The following DESI2 variants were observed in gnomAD, a reference collection of about 807,000 sequenced individuals.
The protein encoded by DESI2 is deubiquitinase DESI2.
Under a neutral mutation model 24.1 loss-of-function variants are expected in DESI2, and 10 were observed. That is an observed-to-expected ratio of 0.41 (90% CI 0.26 to 0.70). The LOEUF (loss-of-function observed/expected upper bound fraction) is 0.70, where lower values mean the gene tolerates loss of function less well. Ranked by LOEUF, DESI2 falls within the 30% of genes least tolerant of loss-of-function variation. DESI2 has a pLI of 0.29. For missense variants in DESI2, 122 were observed against 234.9 expected (o/e 0.52, Z 3.14); for synonymous variants, 71 against 87.7 (o/e 0.81, Z 1.06).
At chr1:244,698,248 C>T (rs937989450) in intron 4 of DESI2, among the ~76,000 whole-genome samples, 8 of 152,266 alleles carry the variant, frequency 5.3e-5, no homozygotes, top group East Asian at 1.9e-4. Flanking sequence ...GTAGGATAGA[C>T]GGAAATTTAA....
intron 1 of DESI2, among the ~76,000 whole-genome samples, chr1:244,686,092 T>C (rs998407745): frequency 1.3e-5 from 2 of 152,228 alleles, no homozygotes; most frequent in African/African-American, 2.4e-5. Flanking sequence ...TTTATTCTTA[T>C]ATTATTACCA....
At chr1:244,684,342 G>A (rs971789551) in intron 1 of DESI2, among the ~76,000 whole-genome samples, 2 of 152,060 alleles carry the variant, frequency 1.3e-5, no homozygotes, top group Admixed American at 6.6e-5. Context: ...TTGCATTTTA[G>A]TCCTCCACTC....
At chr1:244,656,400 A>G (rs999345541) in intron 1 of DESI2, 6 of 152,192 alleles carry the variant, frequency 3.9e-5, no homozygotes, top group African/African-American at 1.4e-4. Context: ...ATGGAAGAAG[A>G]GTGTGATCCT....
intron 4 of DESI2, among the ~76,000 whole-genome samples, chr1:244,704,711 T>C (rs1472682055): frequency 6.6e-6 from 1 of 152,108 alleles, no homozygotes; most frequent in East Asian, 1.9e-4. Flanking sequence ...TAGGCTGGAG[T>C]GCAGTGGCGT....
chr1:244,680,617 T>C (rs781484114), intron 1 of DESI2, among the ~76,000 whole-genome samples: 2 of 152,232 alleles, frequency 1.3e-5, no homozygotes, highest in Non-Finnish European at 2.9e-5. Context: ...TTAATGATGC[T>C]CAGTTCAATC....
chr1:244,659,956 G>A lies in DESI2; in HGVS notation c.42+6601G>A, dbSNP rs141004972. On this transcript the variant is annotated intron_variant, in intron 1 of 4. Transcript: ENST00000302550. ...AGTATTTGAAAAATACAACTCAGATGCCAGTAGGGTCCAAGCGTATTGGTG... is the reference window on the plus strand; with the variant it reads ...AGTATTTGAAAAATACAACTCAGATACCAGTAGGGTCCAAGCGTATTGGTG... 1.7e-3 allele frequency among the ~76,000 whole-genome samples: 265 copies of A among 152,246 alleles called. 2 individuals carry two copies. The highest frequency in any genetic ancestry group is 6.2e-3 in the African/African-American group (259 of 41,540).
At chr1:244,659,181 TC>T (rs1675751148) in intron 1 of DESI2, among the ~76,000 whole-genome samples, 1 of 150,630 alleles carries the variant, frequency 6.6e-6, no homozygotes, top group African/African-American at 2.4e-5. Context: ...TGTCCTCTTT[TC>T]TTTTTTAGGG....
At chr1:244,668,546 A>T (rs183220249) in intron 1 of DESI2, among the ~76,000 whole-genome samples, 133 of 152,326 alleles carry the variant, frequency 8.7e-4, no homozygotes, top group Middle Eastern at 3.4e-3. Flanking sequence ...GTTTTTGAGG[A>T]GAAATGGTTA....
chr1:244,677,956 A>C (rs868242720), intron 1 of DESI2, among the ~76,000 whole-genome samples: 15 of 152,208 alleles, frequency 9.9e-5, no homozygotes, highest in Middle Eastern at 6.8e-3. Context: ...TGATGTTAGG[A>C]GTGAGGGGTG....
chr1:244,655,948 G>A (rs1675631635), intron 1 of DESI2, among the ~76,000 whole-genome samples: 1 of 152,230 alleles, frequency 6.6e-6, no homozygotes, highest in Non-Finnish European at 1.5e-5. Context: ...TTTTCATGGA[G>A]GGGAACAGTG....
intron 1 of DESI2, among the ~76,000 whole-genome samples, chr1:244,676,324 G>A (rs913711793): frequency 6.6e-5 from 10 of 151,950 alleles, no homozygotes; most frequent in African/African-American, 1.2e-4. Context: ...TGATCCGCCC[G>A]CCTCAGCCTC....
chr1:244,677,721 C>T (rs1676459056), intron 1 of DESI2, among the ~76,000 whole-genome samples: 1 of 152,066 alleles, frequency 6.6e-6, no homozygotes, highest in Non-Finnish European at 1.5e-5. Flanking sequence ...TCAAGACAAG[C>T]TTGGGCAACA....
chr1:244,690,660 G>A (rs1296897557), intron 3 of DESI2, among the ~76,000 whole-genome samples: 2 of 150,754 alleles, frequency 1.3e-5, no homozygotes, highest in African/African-American at 2.4e-5. Context: ...AGCTGAGGTC[G>A]CGCCATTGCA....
Position 244,692,094 on chromosome 1 carries a change from T to G in DESI2, c.351+74T>G, listed in dbSNP as rs536530636. 18 of 1,281,668 alleles carry G rather than the reference T, an allele frequency of 1.4e-5. No individual in the cohort carries two copies. In the African/African-American group the frequency reaches 2.7e-4, roughly 19 times the overall value. The allele number at this position is 1,281,668 out of a possible 1,614,324, so 79.4% of individuals were successfully genotyped here. On this transcript the variant is annotated intron_variant, in intron 4 of 4. Coordinates refer to ENST00000302550, the MANE Select transcript of DESI2 (RefSeq NM_016076.5). ...CCACTATACTTGATATCCCACTATA[T>G]TCGATCTTGATTCACTTCTTTTCCG...
At position 244,667,226 on chromosome 1, in the gene DESI2, G is replaced by C. The variant is rs530227950; in HGVS notation, c.42+13871G>C. Reference sequence around the variant, plus strand: ...AGTCCAAAGTCTCATCTGAGACAAGGCAAGTCCCTTCCTATGAGCCTGTAA... The same window carrying C: ...AGTCCAAAGTCTCATCTGAGACAAGCCAAGTCCCTTCCTATGAGCCTGTAA... On this transcript the variant is annotated intron_variant, in intron 1 of 4. Transcript: ENST00000302550. Among the ~76,000 whole-genome samples, 7 of 152,226 alleles carry C rather than the reference G, an allele frequency of 4.6e-5. No individual in the cohort carries two copies. In the East Asian group the frequency reaches 1.4e-3, roughly 29 times the overall value.
intron 4 of DESI2, among the ~76,000 whole-genome samples, chr1:244,696,855 T>C (rs535261671): frequency 6.6e-6 from 1 of 152,226 alleles, no homozygotes; most frequent in South Asian, 2.1e-4. Flanking sequence ...GAAAACCTGC[T>C]TTCCCTCTGG....
chr1:244,671,711 C>T (rs995896320), intron 1 of DESI2, among the ~76,000 whole-genome samples: 1 of 152,146 alleles, frequency 6.6e-6, no homozygotes, highest in African/African-American at 2.4e-5. Flanking sequence ...ATATCTAGTT[C>T]ACCAGCTTGT....
intron 1 of DESI2, among the ~76,000 whole-genome samples, chr1:244,664,399 C>A (rs1032381770): frequency 6.6e-6 from 1 of 152,046 alleles, no homozygotes; most frequent in Non-Finnish European, 1.5e-5. Context: ...AAAAGAGCAA[C>A]GAAGACGTAA....
rs1438473163 is a variant in DESI2 at position 244,691,955 on chromosome 1, T to G, written c.286T>G (p.Tyr96Asp). ...EKIVEELGKE[Y>D]KGNAYHLMHK... Reference sequence around the variant, plus strand: ...AATTGTAGAAGAACTGGGAAAAGAATACAAAGGCAATGCTTATCATTTAAT... The same window carrying G: ...AATTGTAGAAGAACTGGGAAAAGAAGACAAAGGCAATGCTTATCATTTAAT... The change falls in exon 4 of 5, where the codon TAC becomes GAC. Residue 96 changes from tyrosine (Y) to aspartate (D), a missense_variant. Tyr to Asp is a radical substitution (Grantham distance 160). Transcript: ENST00000302550. The G allele has an allele frequency of 6.2e-7, 1 of 1,605,038 alleles. No individual in the cohort carries two copies. The highest frequency in any genetic ancestry group is 1.7e-5 in the Admixed American group (1 of 57,744).
Sources: gnomAD v4.1 joint callset for allele counts (sites outside exome capture counted in the v4.1 genomes callset) on GRCh38, gnomAD v4.1.1 for gene constraint, MANE v1.5 for transcripts, NCBI Gene and HGNC (gene_info 2026-07-23, HGNC 2026-07-21) for gene names.